INO80: variants seen among roughly 807,000 people sequenced by gnomAD.
INO80 encodes INO80 complex ATPase subunit, also known as chromatin-remodeling ATPase INO80.
Under a neutral mutation model 203.4 loss-of-function variants are expected in INO80, and 20 were observed. The observed-to-expected ratio is 0.10, with a 90% CI of 0.07 to 0.14. The LOEUF (loss-of-function observed/expected upper bound fraction) is 0.14, where lower values mean the gene tolerates loss of function less well. Ranked by LOEUF, INO80 falls within the 10% of genes least tolerant of loss-of-function variation. INO80 has a pLI of 1.00. For missense variants in INO80, 1,419 were observed against 1,914.4 expected (o/e 0.74, Z 4.83); for synonymous variants, 726 against 685.2 (o/e 1.06, Z -0.93).
intron 34 of INO80, chr15:40,983,286 C>T: frequency 5.4e-6 from 3 of 560,112 alleles, no homozygotes; most frequent in Non-Finnish European, 9.5e-6. Context: ...CATCCTAACT[C>T]CTCAAGCTGC....
At chr15:41,043,896 T>C (rs2044709415) in intron 24 of INO80, among the ~76,000 whole-genome samples, 1 of 152,200 alleles carries the variant, frequency 6.6e-6, no homozygotes, top group Non-Finnish European at 1.5e-5. Flanking sequence ...CCAAGAATTA[T>C]ATGAAACTGT....
chr15:41,099,253 AAAAAAAAAAAAAAAC>A (rs2045769937), intron 1 of INO80, among the ~76,000 whole-genome samples: 1 of 135,276 alleles, frequency 7.4e-6, no homozygotes, highest in East Asian at 2.0e-4. Flanking sequence ...AAAAAAAAAA[AAAAAAAAAAAAAAAC>A]AAACACACAC....
rs2045551494 is a variant in INO80, at chr15:41,085,599, A to G, written c.659-16T>C. 6.2e-7 allele frequency: 1 copy of G among 1,607,818 alleles called. No individual in the cohort carries two copies. The highest frequency in any genetic ancestry group is 1.1e-5 in the South Asian group (1 of 90,920). ...TTCAACTTAGCTGCAAAAGAAACAGATGCAACAGGTTGCACTTCCACAGGA... is the reference window on the plus strand; with the variant it reads ...TTCAACTTAGCTGCAAAAGAAACAGGTGCAACAGGTTGCACTTCCACAGGA... On this transcript the variant is annotated splice_polypyrimidine_tract_variant and intron_variant, in intron 6 of 35. Coordinates refer to ENST00000648947, the MANE Select transcript of INO80 (RefSeq NM_017553.3).
intron 14 of INO80, among the ~76,000 whole-genome samples, chr15:41,065,370 G>A (rs2045191458): frequency 6.6e-6 from 1 of 151,998 alleles, no homozygotes; most frequent in African/African-American, 2.4e-5. Context: ...GGGAGGCGGA[G>A]GTTGCAGCGA....
At position 41,076,358 on chromosome 15, in the gene INO80, TCAAAA is replaced by T. The variant is rs142519612; in HGVS notation, c.1132-1798_1132-1794del. ...CTGGGTAACAGAGCAAGACTCTGTCTCAAAACAAAACAAAACAAAACAAAACCCAA... is the reference window on the plus strand; with the variant it reads ...CTGGGTAACAGAGCAAGACTCTGTCTCAAAACAAAACAAAACAAAACCCAA... On this transcript the variant is annotated intron_variant, in intron 9 of 35. Transcript: ENST00000648947. Among the ~76,000 whole-genome samples, 685 of 151,566 alleles carry T rather than the reference TCAAAA, an allele frequency of 4.5e-3. 8 individuals carry two copies. Among genetic ancestry groups the T allele is most frequent in the East Asian group, 0.036 (188 of 5,168 alleles).
chr15:41,064,593 A>C (rs1375643393), intron 14 of INO80, among the ~76,000 whole-genome samples: 1 of 152,218 alleles, frequency 6.6e-6, no homozygotes, highest in African/African-American at 2.4e-5. Flanking sequence ...ATGACACATC[A>C]AACCTTTGGA....
chr15:41,075,337 C>A (rs940370439), intron 9 of INO80, among the ~76,000 whole-genome samples: 1 of 151,384 alleles, frequency 6.6e-6, no homozygotes, highest in Non-Finnish European at 1.5e-5. Context: ...ATGGCACAAT[C>A]TGAGCCTCAC....
intron 16 of INO80, among the ~76,000 whole-genome samples, chr15:41,057,102 T>C (rs750002707): frequency 2.0e-5 from 3 of 152,178 alleles, no homozygotes; most frequent in Non-Finnish European, 4.4e-5. Flanking sequence ...GAGAGAGCAG[T>C]TATGAGGAGT....
At chr15:41,092,206 G>T (rs879144489) in intron 4 of INO80, 24 bp from the exon 5 acceptor site, 2 of 1,559,550 alleles carry the variant, frequency 1.3e-6, no homozygotes, top group South Asian at 1.2e-5. Context: ...AAATAGAAAT[G>T]TATCTTTTGC....
At chr15:41,072,726 C>T (rs536629906) in intron 11 of INO80, among the ~76,000 whole-genome samples, 3 of 148,436 alleles carry the variant, frequency 2.0e-5, no homozygotes, top group African/African-American at 7.4e-5. Flanking sequence ...CATTAAATAA[C>T]GTAGCAGTTT....
intron 1 of INO80, chr15:41,109,163 G>C (rs1596333294): frequency 1.3e-5 from 2 of 152,560 alleles, no homozygotes; most frequent in Middle Eastern, 6.8e-3. Context: ...CCTCAAAAAA[G>C]CTACTAATGG....
intron 7 of INO80, among the ~76,000 whole-genome samples, chr15:41,083,527 G>A (rs888430109): frequency 4.6e-5 from 7 of 151,474 alleles, no homozygotes; most frequent in African/African-American, 7.3e-5. Context: ...CCAACATGGC[G>A]AAACCTCGTC....
intron 1 of INO80, among the ~76,000 whole-genome samples, chr15:41,108,675 C>T (rs918471275): frequency 5.3e-5 from 8 of 151,672 alleles, no homozygotes; most frequent in Admixed American, 2.0e-4. Context: ...CTCACTAGTT[C>T]CACTGTAAAA....
chr15:41,062,569 T>TA (rs2045131663), intron 14 of INO80, among the ~76,000 whole-genome samples: 1 of 152,160 alleles, frequency 6.6e-6, no homozygotes, highest in African/African-American at 2.4e-5. Flanking sequence ...AATACATGAC[T>TA]AGTGCTATGG....
chr15:40,982,920 G>C lies in INO80; in HGVS notation c.4395C>G (p.Ala1465=), dbSNP rs758803693. ...GSAAAMAGAK[A]GAAAASAAAY... ...CAGCTGCAGAGGCCGCTGCAGCCCC[G>C]GCTTTGGCTCCTGCCATTGCAGCAG... The change falls in exon 35 of 36, where the codon GCC becomes GCG. Residue 1465 remains alanine (A), a synonymous_variant. Transcript: ENST00000648947. 3 of 1,613,938 alleles carry C rather than the reference G, an allele frequency of 1.9e-6. No individual in the cohort carries two copies. The African/African-American group carries it at 4.0e-5, about 22-fold the overall frequency.
At chr15:41,057,675 T>C (rs1331951771) in intron 16 of INO80, among the ~76,000 whole-genome samples, 1 of 150,150 alleles carries the variant, frequency 6.7e-6, no homozygotes, top group Non-Finnish European at 1.5e-5. Flanking sequence ...TGAGCACTTG[T>C]AATCCCAGCT....
At chr15:41,115,133 TGTGAC>T (rs1363427639) in intron 1 of INO80, among the ~76,000 whole-genome samples, 1 of 152,200 alleles carries the variant, frequency 6.6e-6, no homozygotes, top group African/African-American at 2.4e-5. Context: ...AAAAGTAACC[TGTGAC>T]GTTAGCCAGG....
At chr15:41,080,799 C>T (rs1343215339) in intron 8 of INO80, among the ~76,000 whole-genome samples, 1 of 152,044 alleles carries the variant, frequency 6.6e-6, no homozygotes, top group Non-Finnish European at 1.5e-5. Context: ...TTGCAGTGAG[C>T]CAAGATCACT....
intron 25 of INO80, among the ~76,000 whole-genome samples, chr15:41,026,130 A>C (rs1233727539): frequency 1.3e-5 from 2 of 152,230 alleles, no homozygotes; most frequent in Admixed American, 1.3e-4. Flanking sequence ...AGGATTCATC[A>C]TCTTTCTAGG....
Sources: gnomAD v4.1 joint callset for allele counts (sites outside exome capture counted in the v4.1 genomes callset) on GRCh38, gnomAD v4.1.1 for gene constraint, MANE v1.5 for transcripts, NCBI Gene and HGNC (gene_info 2026-07-23, HGNC 2026-07-21) for gene names.